Variants in DLG2 observed in about 807,000 individuals in gnomAD.
The protein encoded by DLG2 is disks large homolog 2.
In DLG2, 45 loss-of-function variants were observed where a neutral mutation model predicts 132.5. The ratio of observed to expected loss-of-function variants is 0.34; its 90% CI spans 0.27 to 0.44. The LOEUF (loss-of-function observed/expected upper bound fraction) is 0.44, where lower values mean the gene tolerates loss of function less well. Among genes scored for constraint, DLG2 ranks in the 20% least tolerant of loss-of-function variants. DLG2 has a pLI of 1.00. For missense variants in DLG2, 1,045 were observed against 1,196.9 expected, an observed-to-expected ratio of 0.87 and a Z score of 1.87; for synonymous variants, 424 against 419.6, an observed-to-expected ratio of 1.01 and a Z score of -0.13.
chr11:83,731,474 T>C (rs913743992), intron 18 of DLG2, among the ~76,000 whole-genome samples: 8 of 152,204 alleles, frequency 5.3e-5, no homozygotes, highest in Non-Finnish European at 8.8e-5. Context: ...ATTTCATTCC[T>C]TTTTTATGGG....
intron 3 of DLG2, among the ~76,000 whole-genome samples, chr11:85,530,345 G>A (rs1167204332): frequency 7.0e-6 from 1 of 142,038 alleles, no homozygotes; most frequent in East Asian, 2.1e-4. Context: ...TTTTGAGACA[G>A]AGTCTCGCTC....
At chr11:84,931,964 G>T (rs1236387803) in intron 6 of DLG2, among the ~76,000 whole-genome samples, 2 of 152,050 alleles carry the variant, frequency 1.3e-5, no homozygotes, top group African/African-American at 4.8e-5. Context: ...TAATGGGGCT[G>T]TTTGCTTTTT....
At chr11:85,021,456 A>C in intron 6 of DLG2, 1 of 1,417,640 alleles carries the variant, frequency 7.1e-7, no homozygotes, top group South Asian at 1.2e-5. Flanking sequence ...CTCCTGCTAC[A>C]GCAGCCCGGG....
intron 17 of DLG2, among the ~76,000 whole-genome samples, chr11:83,831,854 A>C (rs1486076002): frequency 6.6e-6 from 1 of 152,184 alleles, no homozygotes; most frequent in Non-Finnish European, 1.5e-5. Flanking sequence ...AGGAAGCTTG[A>C]CATAGTAGAA....
intron 6 of DLG2, among the ~76,000 whole-genome samples, chr11:84,950,805 T>C (rs1221634378): frequency 1.3e-5 from 2 of 151,966 alleles, no homozygotes; most frequent in African/African-American, 4.8e-5. Flanking sequence ...TATGTACACA[T>C]ATAACCCCAA....
chr11:84,131,643 G>A (rs897903921), intron 9 of DLG2, among the ~76,000 whole-genome samples: 13 of 151,782 alleles, frequency 8.6e-5, no homozygotes, highest in African/African-American at 3.1e-4. Context: ...AGATGCAGAT[G>A]GAAAGGTGAC....
At chr11:83,512,460 A>T (rs1376158949) in intron 21 of DLG2, among the ~76,000 whole-genome samples, 1 of 152,228 alleles carries the variant, frequency 6.6e-6, no homozygotes, top group Non-Finnish European at 1.5e-5. Flanking sequence ...TGCAGTTCAG[A>T]AACTATTCTT....
chr11:84,833,657 T>TG (rs1181461516), intron 6 of DLG2, among the ~76,000 whole-genome samples: 24 of 149,762 alleles, frequency 1.6e-4, no homozygotes, highest in African/African-American at 3.2e-4. Context: ...GTGGCAGTTG[T>TG]GGGGGGGTGG....
intron 8 of DLG2, among the ~76,000 whole-genome samples, chr11:84,172,209 A>G (rs1178273842): frequency 6.6e-6 from 1 of 152,220 alleles, no homozygotes; most frequent in Non-Finnish European, 1.5e-5. Flanking sequence ...TTATTTTATG[A>G]ATACTATGAA....
At chr11:84,663,693 G>T (rs758038228) in intron 6 of DLG2, among the ~76,000 whole-genome samples, 8 of 152,070 alleles carry the variant, frequency 5.3e-5, no homozygotes, top group Non-Finnish European at 2.9e-5. Flanking sequence ...AAATGGGTTT[G>T]GATGACAAAT....
At chr11:85,385,964 C>A (rs553474728) in intron 3 of DLG2, among the ~76,000 whole-genome samples, 64 of 152,292 alleles carry the variant, frequency 4.2e-4, no homozygotes, top group African/African-American at 1.5e-3. Flanking sequence ...GTTGACGATT[C>A]CCTGAGATGT....
chr11:83,829,960 T>C (rs1296639718), intron 17 of DLG2, among the ~76,000 whole-genome samples: 2 of 152,152 alleles, frequency 1.3e-5, no homozygotes, highest in Admixed American at 6.5e-5. Flanking sequence ...AGTGTTCTCA[T>C]TGTTCAATTC....
intron 7 of DLG2, among the ~76,000 whole-genome samples, chr11:84,465,057 A>G (rs1327923727): frequency 6.6e-6 from 1 of 151,270 alleles, no homozygotes; most frequent in Non-Finnish European, 1.5e-5. Context: ...ATTAAGTCGT[A>G]CTATGTAGAC....
At chr11:85,463,997 CACACACAT>C (rs1387608835) in intron 3 of DLG2, among the ~76,000 whole-genome samples, 3 of 147,330 alleles carry the variant, frequency 2.0e-5, no homozygotes, top group Admixed American at 6.7e-5. Context: ...TGTACACACA[CACACACAT>C]ACACACACAC....
At chr11:83,816,126 A>C (rs1303376644) in intron 17 of DLG2, among the ~76,000 whole-genome samples, 1 of 152,168 alleles carries the variant, frequency 6.6e-6, no homozygotes, top group Non-Finnish European at 1.5e-5. Flanking sequence ...ATCTTTATAA[A>C]AATGCAGCAA....
chr11:85,402,699 C>G (rs573479132), intron 3 of DLG2, among the ~76,000 whole-genome samples: 135 of 152,284 alleles, frequency 8.9e-4, no homozygotes, highest in African/African-American at 3.2e-3. Context: ...ACAGACACTT[C>G]TCAAAAGAAG....
At chr11:83,566,760 C>T (rs185500662) in intron 19 of DLG2, among the ~76,000 whole-genome samples, 4 of 145,974 alleles carry the variant, frequency 2.7e-5, no homozygotes, top group Admixed American at 6.9e-5. Flanking sequence ...TGTGTATCCT[C>T]ACAATGCTAG....
At chr11:84,294,974 A>G (rs1300029826) in intron 7 of DLG2, among the ~76,000 whole-genome samples, 1 of 152,212 alleles carries the variant, frequency 6.6e-6, no homozygotes, top group Non-Finnish European at 1.5e-5. Flanking sequence ...TTTGAAAACT[A>G]TATTGTTTTT....
chr11:84,110,027 C>T (rs2093248214), intron 9 of DLG2, among the ~76,000 whole-genome samples: 2 of 152,262 alleles, frequency 1.3e-5, no homozygotes, highest in South Asian at 4.1e-4. Flanking sequence ...TTTAGTTCTC[C>T]TCATTGGTTT....
Sources: gnomAD v4.1 joint callset for allele counts (sites outside exome capture counted in the v4.1 genomes callset) on GRCh38, gnomAD v4.1.1 for gene constraint, MANE v1.5 for transcripts, NCBI Gene and HGNC (gene_info 2026-07-23, HGNC 2026-07-21) for gene names.